The following CDK15 variants were observed in gnomAD, a reference collection of about 807,000 sequenced individuals.
CDK15 encodes the protein cyclin dependent kinase 15.
CDK15 carries 62 observed loss-of-function variants against 60.3 expected under a neutral mutation model. The ratio of observed to expected loss-of-function variants is 1.03; its 90% CI spans 0.84 to 1.27. The LOEUF (loss-of-function observed/expected upper bound fraction) is 1.27. Ranked by LOEUF, CDK15 falls within the 50% of genes most tolerant of loss-of-function variation. CDK15 has a pLI of 0.00. For missense variants in CDK15, 541 were observed against 527.8 expected, an observed-to-expected ratio of 1.03 and a Z score of -0.25; for synonymous variants, 194 against 195.7, an observed-to-expected ratio of 0.99 and a Z score of 0.07.
At position 201,845,845 on chromosome 2, in the gene CDK15, A is replaced by AG. The variant is rs1468611922; in HGVS notation, c.852-1536_852-1535insG. On this transcript the variant is annotated intron_variant, in intron 8 of 13. Transcript: ENST00000652192. ...AAGAGGTTTGCGGTTAAAAAAAAAA[A>AG]AGAGAGAGAGAGAGAGAGAGAAGTA... Among the ~76,000 whole-genome samples, 807 of 92,044 alleles carry AG rather than the reference A, an allele frequency of 8.8e-3. 9 individuals are homozygous for AG. Among genetic ancestry groups the AG allele is most frequent in the African/African-American group, 0.045 (767 of 17,140 alleles). The allele number at this position is 92,044 out of a possible 152,430, so 60.4% of individuals were successfully genotyped here. A position where few individuals can be genotyped will look rare whatever the true frequency, so the allele number is the denominator to read the frequency against.
At chr2:201,828,415 C>T (rs1210594323) in intron 6 of CDK15, among the ~76,000 whole-genome samples, 1 of 151,712 alleles carries the variant, frequency 6.6e-6, no homozygotes, top group African/African-American at 2.4e-5. Flanking sequence ...TGAAGGGAAG[C>T]AGCTTGTAGG....
intron 8 of CDK15, among the ~76,000 whole-genome samples, chr2:201,844,722 A>G (rs1049676042): frequency 4.6e-5 from 7 of 151,902 alleles, no homozygotes; most frequent in African/African-American, 1.7e-4. Context: ...TTGGGAGGCC[A>G]AGGCAGGAGG....
rs141758122 is a variant in CDK15, at chr2:201,856,277, A to C, written c.1009+1340A>C. Reference sequence around the variant, plus strand: ...TTTCTTATTTTCTTTAGCATCCAATACTTTTGCTTACAGCTATCCATAGGG... The same window carrying C: ...TTTCTTATTTTCTTTAGCATCCAATCCTTTTGCTTACAGCTATCCATAGGG... On this transcript the variant is annotated intron_variant, in intron 10 of 13. Coordinates refer to ENST00000652192, the MANE Select transcript of CDK15 (RefSeq NM_001366386.2). Among the ~76,000 whole-genome samples the C allele has an allele frequency of 7.4e-3, 1,127 of 152,242 alleles. 14 individuals are homozygous for C. Among genetic ancestry groups the C allele is most frequent in the African/African-American group, 0.026 (1,086 of 41,528 alleles).
Position 201,874,048 on chromosome 2 carries a change from C to T in CDK15, c.1058+1722C>T, listed in dbSNP as rs578079093. Among the ~76,000 whole-genome samples the T allele has an allele frequency of 3.0e-3, 297 of 100,184 alleles. 2 individuals carry two copies. Among genetic ancestry groups the T allele is most frequent in the African/African-American group, 0.012 (280 of 22,738 alleles). 65.7% of individuals were successfully genotyped at this position (100,184 alleles called of 152,430 possible). A position where few individuals can be genotyped will look rare whatever the true frequency, so the allele number is the denominator to read the frequency against. On this transcript the variant is annotated intron_variant, in intron 11 of 13. Transcript: ENST00000652192. ...CAGCCTGGGAGACAGAGTGAGACTC[C>T]GTCTCAAAAAAAAAAAAAAAAAAAA...
intron 3 of CDK15, 98 bp downstream of exon 3, chr2:201,808,050 C>T: frequency 1.0e-6 from 1 of 993,846 alleles, no homozygotes. Flanking sequence ...AAGTTCATAG[C>T]ACTCAGGACC....
chr2:201,876,953 A>G (rs1045164898), intron 11 of CDK15, among the ~76,000 whole-genome samples: 2 of 151,802 alleles, frequency 1.3e-5, no homozygotes, highest in Non-Finnish European at 2.9e-5. Flanking sequence ...GCATGCTACC[A>G]CACCTGGCTA....
At chr2:201,824,196 T>G (rs1262211865) in intron 6 of CDK15, among the ~76,000 whole-genome samples, 1 of 152,202 alleles carries the variant, frequency 6.6e-6, no homozygotes, top group Non-Finnish European at 1.5e-5. Context: ...AATAATAAAC[T>G]CTTAATTAGC....
chr2:201,807,462 A>G, intron 1 of CDK15, 32 bp from the exon 2 acceptor site: 2 of 1,598,758 alleles, frequency 1.3e-6, no homozygotes, highest in Non-Finnish European at 1.7e-6. Flanking sequence ...ACTTTGCATA[A>G]ATTTTATTTC....
At chr2:201,848,264 A>G (rs1438052949) in intron 9 of CDK15, among the ~76,000 whole-genome samples, 2 of 152,026 alleles carry the variant, frequency 1.3e-5, no homozygotes, top group East Asian at 3.8e-4. Flanking sequence ...TTCTTAATTC[A>G]TTATTTATCC....
rs1447600080 is a variant in CDK15 at position 201,820,973 on chromosome 2, A to C, written c.449-1836A>C. Reference sequence around the variant, plus strand: ...GCTTAAATTGACAAGTAAAGAGAGAAATTCACTGGCTCACAGATCTGATAA... The same window carrying C: ...GCTTAAATTGACAAGTAAAGAGAGACATTCACTGGCTCACAGATCTGATAA... On this transcript the variant is annotated intron_variant, in intron 4 of 13. Coordinates refer to ENST00000652192, the MANE Select transcript of CDK15 (RefSeq NM_001366386.2). Among the ~76,000 whole-genome samples, 15 of 152,122 alleles carry C rather than the reference A, an allele frequency of 9.9e-5. 1 individual carries two copies. Among genetic ancestry groups the C allele is most frequent in the Admixed American group, 9.8e-4 (15 of 15,282 alleles).
chr2:201,870,882 C>T (rs1234826751), intron 10 of CDK15, among the ~76,000 whole-genome samples: 1 of 152,218 alleles, frequency 6.6e-6, no homozygotes, highest in South Asian at 2.1e-4. Context: ...TCCCCTGCAG[C>T]TCCTCTTACA....
intron 5 of CDK15, 54 bp downstream of exon 5, chr2:201,822,957 T>C (rs1696300207): frequency 1.0e-6 from 1 of 986,072 alleles, no homozygotes; most frequent in Non-Finnish European, 1.6e-6. Flanking sequence ...GGTACTTGTA[T>C]AATGAATCTG....
intron 4 of CDK15, among the ~76,000 whole-genome samples, chr2:201,814,910 A>G (rs1447730608): frequency 1.3e-5 from 2 of 151,388 alleles, no homozygotes; most frequent in African/African-American, 4.9e-5. Context: ...AACATGTGAT[A>G]TTATGAAACT....
In CDK15 at chr2:201,872,779, T is replaced by C. The variant is rs544126841; in HGVS notation, c.1058+453T>C. ...ACCAGCTTTCAACAAATCCCTAGTT[T>C]CTTTTGCAAAGTAAAACAGATAATA... On this transcript the variant is annotated intron_variant, in intron 11 of 13. Coordinates refer to ENST00000652192, the MANE Select transcript of CDK15 (RefSeq NM_001366386.2). Among the ~76,000 whole-genome samples, 8 of 152,296 alleles carry C rather than the reference T, an allele frequency of 5.3e-5. No individual in the cohort carries two copies. In the South Asian group the frequency reaches 1.7e-3, roughly 32 times the overall value.
Position 201,812,525 on chromosome 2 carries a change from T to A in CDK15, c.411T>A (p.Asn137Lys). Residue 137 changes from asparagine (N) to lysine (K), a missense_variant, in exon 4 of 14, where the codon AAT becomes AAA. Physicochemically the swap from Asn to Lys is moderately conservative, Grantham distance 94. Transcript: ENST00000652192. ...TGGCTTTAAAAGTCATCAGCATGAA[T>A]GCAGAGGAAGGAGTCCCATTTACAG... is the stretch of plus-strand genomic sequence containing the variant. The part of the protein sequence containing the change: ...QLVALKVISM[N>K]AEEGVPFTAI... 1 of 1,613,288 alleles carries A rather than the reference T, an allele frequency of 6.2e-7. No homozygotes were observed. The highest frequency in any genetic ancestry group is 8.5e-7 in the Non-Finnish European group (1 of 1,179,472).
At chr2:201,853,565 T>G (rs1698000666) in intron 9 of CDK15, among the ~76,000 whole-genome samples, 1 of 152,178 alleles carries the variant, frequency 6.6e-6, no homozygotes, top group Admixed American at 6.6e-5. Context: ...GCTAGACTCT[T>G]TCTGTAAGAG....
chr2:201,834,433 A>G (rs1696918340), intron 7 of CDK15, among the ~76,000 whole-genome samples: 1 of 152,176 alleles, frequency 6.6e-6, no homozygotes, highest in Non-Finnish European at 1.5e-5. Flanking sequence ...GTGAGATGCA[A>G]AGTTTTATTC....
chr2:201,852,736 G>A (rs1309178455), intron 9 of CDK15, among the ~76,000 whole-genome samples: 1 of 152,196 alleles, frequency 6.6e-6, no homozygotes, highest in African/African-American at 2.4e-5. Context: ...CAGTGAAGGA[G>A]AGATTTAGTA....
intron 3 of CDK15, among the ~76,000 whole-genome samples, chr2:201,811,189 C>T (rs562766824): frequency 1.4e-4 from 20 of 147,028 alleles, no homozygotes; most frequent in Non-Finnish European, 2.7e-4. Context: ...CTTGCTCTGT[C>T]GCCCAGGCTG....
Sources: allele counts gnomAD v4.1 joint callset (sites outside exome capture counted in the v4.1 genomes callset), GRCh38; gene constraint gnomAD v4.1.1; transcripts MANE v1.5; gene names NCBI Gene and HGNC (gene_info 2026-07-23, HGNC 2026-07-21).